Variants in BCAS4 observed in about 807,000 individuals in gnomAD.
The protein encoded by BCAS4 is breast carcinoma amplified sequence 4.
A neutral mutation model predicts 15.7 loss-of-function variants in BCAS4; 9 were observed. The ratio of observed to expected loss-of-function variants is 0.57; its 90% CI spans 0.34 to 1.00. BCAS4 has a LOEUF of 1.00. Among genes scored for constraint, BCAS4 ranks in the 50% least tolerant of loss-of-function variants. The pLI, the probability that BCAS4 is intolerant of heterozygous loss-of-function variation, is 0.02. For missense variants in BCAS4, 225 were observed against 239.1 expected (o/e 0.94, Z 0.39); for synonymous variants, 101 against 99.5 (o/e 1.02, Z -0.09).
At chr20:50,843,980 C>G (rs1212565993) in intron 4 of BCAS4, among the ~76,000 whole-genome samples, 1 of 152,008 alleles carries the variant, frequency 6.6e-6, no homozygotes, top group East Asian at 1.9e-4. Context: ...CCCATTTATA[C>G]AAAAAATAGA....
intron 1 of BCAS4, among the ~76,000 whole-genome samples, chr20:50,803,686 AAAT>A (rs1336786196): frequency 6.6e-6 from 1 of 151,962 alleles, no homozygotes. Flanking sequence ...CTACAAAATA[AAAT>A]AATAAATTAG....
intron 1 of BCAS4, among the ~76,000 whole-genome samples, chr20:50,809,218 T>C (rs74622727): frequency 6.7e-6 from 1 of 149,276 alleles, no homozygotes; most frequent in African/African-American, 2.5e-5. Context: ...TTTTTTTTTT[T>C]AATTTTTTGA....
At chr20:50,845,955 G>C (rs966810142) in intron 4 of BCAS4, among the ~76,000 whole-genome samples, 1 of 152,232 alleles carries the variant, frequency 6.6e-6, no homozygotes, top group African/African-American at 2.4e-5. Context: ...GGCCCGAGGG[G>C]TCCGGTGCAG....
In BCAS4 at chr20:50,872,801, C is replaced by T. The variant is rs182171894; in HGVS notation, c.400-3685C>T. ...GGGTTACTCACCCACGTGTCTCCAG[C>T]GTGTCCTCCAAGGTGTCAGGCTTGG... On this transcript the variant is annotated intron_variant, in intron 4 of 4. Coordinates refer to ENST00000371608, the MANE Select transcript of BCAS4 (RefSeq NM_198799.4). 3.8e-3 allele frequency among the ~76,000 whole-genome samples: 578 copies of T among 152,348 alleles called. 3 individuals are homozygous for T. Among genetic ancestry groups the T allele is most frequent in the African/African-American group, 0.013 (540 of 41,580 alleles).
Position 50,816,791 on chromosome 20 carries a change from A to ATTTTTTTT in BCAS4, c.91-1396_91-1389dup, listed in dbSNP as rs35600563. ...AGACATGCACCACCATGCCTGGCTA[A>ATTTTTTTT]TTTTTTTTTTTTTTTTTTTTTTTTT... On this transcript the variant is annotated intron_variant, in intron 1 of 4. Transcript: ENST00000371608. Among the ~76,000 whole-genome samples the ATTTTTTTT allele has an allele frequency of 4.4e-3, 355 of 80,928 alleles. 16 individuals are homozygous for ATTTTTTTT. The highest frequency in any genetic ancestry group is 7.4e-3 in the African/African-American group (120 of 16,150). The allele number at this position is 80,928 out of a possible 152,430, so 53.1% of individuals were successfully genotyped here.
At chr20:50,881,689 TCTG>T (rs1338222023), downstream of BCAS4, 1 of 150,060 alleles carries the variant, frequency 6.7e-6, no homozygotes, top group Non-Finnish European at 1.5e-5. Flanking sequence ...TGAGACAGAG[TCTG>T]CTCTGTTGCC....
intron 2 of BCAS4, among the ~76,000 whole-genome samples, chr20:50,825,450 C>T (rs1248990649): frequency 6.6e-6 from 1 of 152,164 alleles, no homozygotes; most frequent in East Asian, 1.9e-4. Context: ...CTTTCAGCCC[C>T]TAGGATTGCC....
intron 4 of BCAS4, among the ~76,000 whole-genome samples, chr20:50,866,571 T>C (rs1442543116): frequency 6.6e-6 from 1 of 152,210 alleles, no homozygotes; most frequent in African/African-American, 2.4e-5. Context: ...ATTTTTAAAT[T>C]TGTCTGCAAG....
At chr20:50,852,169 G>A (rs1434361540) in intron 4 of BCAS4, among the ~76,000 whole-genome samples, 3 of 152,174 alleles carry the variant, frequency 2.0e-5, no homozygotes, top group Non-Finnish European at 2.9e-5. Flanking sequence ...ACAAAGCCAG[G>A]GCCTGGCCCA....
At chr20:50,833,221 A>G (rs1408969231) in intron 3 of BCAS4, among the ~76,000 whole-genome samples, 1 of 152,158 alleles carries the variant, frequency 6.6e-6, no homozygotes, top group African/African-American at 2.4e-5. Flanking sequence ...GAAGCCAGGT[A>G]TTGGGGGCAA....
chr20:50,842,021 A>T, intron 4 of BCAS4, 121 bp downstream of exon 4: 1 of 1,281,588 alleles, frequency 7.8e-7, no homozygotes, highest in Non-Finnish European at 1.0e-6. Flanking sequence ...TTCTGCAGAC[A>T]GGAAACGGGT....
In BCAS4 at chr20:50,819,158, GGGTGATA is replaced by G. The variant is rs553469886; in HGVS notation, c.162+878_162+884del. On this transcript the variant is annotated intron_variant, in intron 2 of 4. Transcript: ENST00000371608. ...AGATTGCGCCACTGCACTCCAGCCT[GGGTGATA>G]GATCAAGATTGTGTCTCAAAAAAAA... is the stretch of plus-strand genomic sequence containing the variant. Among the ~76,000 whole-genome samples, 691 of 152,122 alleles carry G rather than the reference GGGTGATA, an allele frequency of 4.5e-3. 2 individuals carry two copies. Among genetic ancestry groups the G allele is most frequent in the African/African-American group, 0.015 (627 of 41,444 alleles).
In BCAS4 at chr20:50,846,979, C is replaced by T. The variant is rs184067626; in HGVS notation, c.399+5079C>T. On this transcript the variant is annotated intron_variant, in intron 4 of 4. Transcript: ENST00000371608. ...AGAGAGTCTGACTGAGTCAGTGAGCCGGCACGGGCAGGTTCATGAGAGGCT... is the reference window on the plus strand; with the variant it reads ...AGAGAGTCTGACTGAGTCAGTGAGCTGGCACGGGCAGGTTCATGAGAGGCT... Among the ~76,000 whole-genome samples, 17 of 152,146 alleles carry T rather than the reference C, an allele frequency of 1.1e-4. No individual in the cohort carries two copies. In the East Asian group the frequency reaches 2.5e-3, roughly 23 times the overall value.
At chr20:50,873,759 G>A (rs1249995609) in intron 4 of BCAS4, among the ~76,000 whole-genome samples, 1 of 152,172 alleles carries the variant, frequency 6.6e-6, no homozygotes, top group South Asian at 2.1e-4. Flanking sequence ...CTTGTCTCCC[G>A]AGTCATCCCC....
intron 3 of BCAS4, chr20:50,840,537 A>C: frequency 6.9e-7 from 1 of 1,454,234 alleles, no homozygotes; most frequent in East Asian, 2.3e-5. Context: ...CATCTTACAG[A>C]GTTAAACAGC....
intron 4 of BCAS4, among the ~76,000 whole-genome samples, chr20:50,861,809 T>TTTTC (rs1246166007): frequency 1.3e-5 from 2 of 151,666 alleles, no homozygotes; most frequent in African/African-American, 4.8e-5. Context: ...TTTCTTTTCT[T>TTTTC]TTTCTTTCTT....
intron 1 of BCAS4, among the ~76,000 whole-genome samples, chr20:50,810,859 G>C (rs1296721125): frequency 6.6e-6 from 1 of 152,046 alleles, no homozygotes; most frequent in Non-Finnish European, 1.5e-5. Context: ...CAAAGTGCTG[G>C]GATTACAGGT....
chr20:50,854,974 T>C (rs1409330807), intron 4 of BCAS4, among the ~76,000 whole-genome samples: 11 of 152,198 alleles, frequency 7.2e-5, no homozygotes, highest in Admixed American at 7.2e-4. Flanking sequence ...ACACTGCTCA[T>C]GCCAGGAGCA....
chr20:50,880,442 C>A (rs1257942455), downstream of BCAS4: 1 of 152,212 alleles, frequency 6.6e-6, no homozygotes, highest in Admixed American at 6.5e-5. Context: ...TGGCCTCTAA[C>A]CCCTTGGTAA....
Sources: allele counts gnomAD v4.1 joint callset (sites outside exome capture counted in the v4.1 genomes callset), GRCh38; gene constraint gnomAD v4.1.1; transcripts MANE v1.5; gene names NCBI Gene and HGNC (gene_info 2026-07-23, HGNC 2026-07-21).